The following CACNG2 variants were observed in gnomAD, a reference collection of about 807,000 sequenced individuals.
CACNG2 encodes the protein calcium voltage-gated channel auxiliary subunit gamma 2.
A neutral mutation model predicts 25.9 loss-of-function variants in CACNG2; 3 were observed. That is an observed-to-expected ratio of 0.12 (90% CI 0.05 to 0.30). CACNG2 has a LOEUF of 0.30. CACNG2 is among the 10% of genes least tolerant of loss of function. The pLI is 1.00. For synonymous variants in CACNG2, 167 were observed against 173.3 expected (o/e 0.96, Z 0.29); for missense variants, 341 against 432.5 (o/e 0.79, Z 1.88).
chr22:36,679,440 G>A (rs1306958706), intron 1 of CACNG2, among the ~76,000 whole-genome samples: 1 of 152,050 alleles, frequency 6.6e-6, no homozygotes, highest in Non-Finnish European at 1.5e-5. Context: ...ATTCATGGCT[G>A]CTACCTAATT....
chr22:36,642,666 C>T (rs1300094330), intron 1 of CACNG2, among the ~76,000 whole-genome samples: 8 of 152,242 alleles, frequency 5.3e-5, no homozygotes, highest in Non-Finnish European at 1.2e-4. Context: ...TCCTGCCCTG[C>T]ATCCTCATCT....
At chr22:36,576,244 G>A (rs1288962145) in intron 2 of CACNG2, among the ~76,000 whole-genome samples, 2 of 152,184 alleles carry the variant, frequency 1.3e-5, no homozygotes, top group Non-Finnish European at 2.9e-5. Flanking sequence ...GGTGAGATCG[G>A]AGACTATTAT....
intron 1 of CACNG2, among the ~76,000 whole-genome samples, chr22:36,627,321 T>TGTGTGG (rs71193250): frequency 2.2e-5 from 3 of 136,052 alleles, no homozygotes; most frequent in Admixed American, 7.4e-5. Flanking sequence ...TGTGTGTGTG[T>TGTGTGG]AGAGGGAGAG....
intron 1 of CACNG2, among the ~76,000 whole-genome samples, chr22:36,690,818 T>C (rs1358552305): frequency 6.6e-6 from 1 of 152,188 alleles, no homozygotes; most frequent in Non-Finnish European, 1.5e-5. Context: ...TAAATAGGCA[T>C]CCTAATCCCA....
At chr22:36,584,132 C>T (rs2145919895) in intron 2 of CACNG2, among the ~76,000 whole-genome samples, 1 of 152,256 alleles carries the variant, frequency 6.6e-6, no homozygotes, top group African/African-American at 2.4e-5. Context: ...CTCCACTCTC[C>T]AACCCCTCCC....
intron 2 of CACNG2, among the ~76,000 whole-genome samples, chr22:36,575,460 G>C (rs555582064): frequency 5.3e-5 from 8 of 152,208 alleles, no homozygotes; most frequent in African/African-American, 1.9e-4. Context: ...AGGCCAGACA[G>C]GGCACGCGGG....
intron 1 of CACNG2, among the ~76,000 whole-genome samples, chr22:36,701,310 C>T (rs958393587): frequency 2.6e-5 from 4 of 152,216 alleles, no homozygotes; most frequent in Non-Finnish European, 5.9e-5. Flanking sequence ...TGCAGTCCCT[C>T]ATACTAAAGT....
At chr22:36,643,205 T>C (rs1182338974) in intron 1 of CACNG2, among the ~76,000 whole-genome samples, 1 of 150,184 alleles carries the variant, frequency 6.7e-6, no homozygotes, top group East Asian at 1.9e-4. Context: ...TCTTTCTCCT[T>C]CCTTCCTTCC....
chr22:36,578,627 G>A (rs1454218658), intron 2 of CACNG2, among the ~76,000 whole-genome samples: 9 of 152,170 alleles, frequency 5.9e-5, no homozygotes, highest in African/African-American at 2.2e-4. Context: ...TCCCTGGTGG[G>A]ACTGGTGGAG....
intron 1 of CACNG2, among the ~76,000 whole-genome samples, chr22:36,674,608 C>T (rs749652399): frequency 2.0e-5 from 3 of 152,224 alleles, no homozygotes; most frequent in African/African-American, 7.2e-5. Flanking sequence ...GGATTACAGG[C>T]GTGAGCCACC....
At chr22:36,668,492 ATT>A (rs112318091) in intron 1 of CACNG2, among the ~76,000 whole-genome samples, 30 of 146,846 alleles carry the variant, frequency 2.0e-4, no homozygotes, top group African/African-American at 1.8e-4. Flanking sequence ...AGGGGAGTGA[ATT>A]TTTTTTTTTT....
intron 1 of CACNG2, among the ~76,000 whole-genome samples, chr22:36,628,231 C>T (rs1280488583): frequency 1.3e-5 from 2 of 152,072 alleles, no homozygotes; most frequent in South Asian, 2.1e-4. Flanking sequence ...TAGTTGGGGA[C>T]GAGATGTTTT....
intron 2 of CACNG2, among the ~76,000 whole-genome samples, chr22:36,573,391 C>T (rs1050836938): frequency 9.9e-5 from 15 of 152,056 alleles, no homozygotes; most frequent in Non-Finnish European, 2.1e-4. Flanking sequence ...AGAGCAGTGG[C>T]GTGATCTCGG....
intron 2 of CACNG2, among the ~76,000 whole-genome samples, chr22:36,575,247 A>G (rs184900175): frequency 6.0e-4 from 91 of 152,342 alleles, no homozygotes; most frequent in Admixed American, 3.0e-3. Context: ...GGTGACAGAA[A>G]TAAAGAGTAT....
chr22:36,564,347 G>C lies in CACNG2; in HGVS notation c.*4C>G. On this transcript the variant is annotated 3_prime_UTR_variant, in exon 4 of 4. Coordinates refer to ENST00000300105, the MANE Select transcript of CACNG2 (RefSeq NM_006078.5). This position sits in a 1 kb window ranked among gnomAD's most constrained non-coding sequence, Gnocchi z 6.7. ...CCGCGGTCTTCTGGCGAGGCCCGCG[G>C]TCTTTATACGGGGGTGGTCCGGCGG... The C allele has an allele frequency of 6.2e-7, 1 of 1,612,526 alleles. No homozygotes were observed. Among genetic ancestry groups the C allele is most frequent in the Non-Finnish European group, 8.5e-7 (1 of 1,179,336 alleles).
At chr22:36,637,582 G>C (rs1055029609) in intron 1 of CACNG2, among the ~76,000 whole-genome samples, 3 of 152,148 alleles carry the variant, frequency 2.0e-5, no homozygotes, top group African/African-American at 7.2e-5. Flanking sequence ...ACTCCACACT[G>C]TCATATGCAT....
rs1211299377 is a variant in CACNG2, at chr22:36,604,391, G to A, written c.212-16843C>T. ...TAAAGTATTTAGAAGATGATATAAA[G>A]TTAGTTGATAAAGCAGCAGCAGGGT... On this transcript the variant is annotated intron_variant, in intron 1 of 3. Transcript: ENST00000300105. 2.0e-5 allele frequency among the ~76,000 whole-genome samples: 3 copies of A among 152,210 alleles called. No individual in the cohort carries two copies. The East Asian group carries it at 5.8e-4, about 29-fold the overall frequency.
chr22:36,654,595 A>G (rs1469955754), intron 1 of CACNG2, among the ~76,000 whole-genome samples: 1 of 152,156 alleles, frequency 6.6e-6, no homozygotes, highest in East Asian at 1.9e-4. Context: ...TTTGGCACAT[A>G]TATTTTGAGA....
rs116310703 is a variant in CACNG2, at chr22:36,667,544, A to G, written c.211+34822T>C. On this transcript the variant is annotated intron_variant, in intron 1 of 3. Coordinates refer to ENST00000300105, the MANE Select transcript of CACNG2 (RefSeq NM_006078.5). ...GGATTTGGCTCTCAGAAAAGGAGGA[A>G]GCACAGGCTGGATGGGGACTTATGA... is the stretch of plus-strand genomic sequence containing the variant. Among the ~76,000 whole-genome samples the G allele has an allele frequency of 7.7e-3, 1,170 of 152,320 alleles. 13 individuals are homozygous for G. Among genetic ancestry groups the G allele is most frequent in the African/African-American group, 0.027 (1,131 of 41,564 alleles).
Sources: allele counts gnomAD v4.1 joint callset (sites outside exome capture counted in the v4.1 genomes callset), GRCh38; gene constraint gnomAD v4.1.1; non-coding constraint Gnocchi (gnomAD v3.1); transcripts MANE v1.5; gene names NCBI Gene and HGNC (gene_info 2026-07-23, HGNC 2026-07-21).